The following DOT1L variants were observed in gnomAD, a reference collection of about 807,000 sequenced individuals.
DOT1L encodes DOT1 like histone lysine methyltransferase.
In DOT1L, 33 loss-of-function variants were observed where a neutral mutation model predicts 153.3. That is an observed-to-expected ratio of 0.22 (90% confidence interval 0.16 to 0.29). The LOEUF (loss-of-function observed/expected upper bound fraction) is 0.29, where lower values mean the gene tolerates loss of function less well. Ranked by LOEUF, DOT1L falls within the 10% of genes least tolerant of loss-of-function variation. The pLI, the probability that DOT1L is intolerant of heterozygous loss-of-function variation, is 1.00. For missense variants in DOT1L, 1,847 were observed against 2,119.9 expected (o/e 0.87, Z 2.53); for synonymous variants, 1,135 against 965.1 (o/e 1.18, Z -3.26).
chr19:2,217,955 G>T lies in DOT1L; in HGVS notation c.2691+37G>T, dbSNP rs567102549. 1 of 1,602,426 alleles carries T rather than the reference G, an allele frequency of 6.2e-7. No individual in the cohort carries two copies. Among genetic ancestry groups the T allele is most frequent in the Admixed American group, 1.7e-5 (1 of 59,438 alleles). ...CCAGGTGGCTGTCCCCAAGGGCCAC[G>T]TTGAGGCAAAACAGTCTGGGGTGCT... On this transcript the variant is annotated intron_variant, in intron 22 of 27. Coordinates refer to ENST00000398665, the MANE Select transcript of DOT1L (RefSeq NM_032482.3). This position sits in a 1 kb window ranked among gnomAD's most constrained non-coding sequence, Gnocchi z 7.3.
chr19:2,168,771 C>A (rs549660361), intron 1 of DOT1L, among the ~76,000 whole-genome samples: 2 of 152,118 alleles, frequency 1.3e-5, no homozygotes, highest in African/African-American at 2.4e-5. Context: ...CCCGCCACCA[C>A]GCCCAGCTAA....
chr19:2,211,462 G>A (rs964161484), intron 15 of DOT1L, among the ~76,000 whole-genome samples: 1 of 152,206 alleles, frequency 6.6e-6, no homozygotes, highest in South Asian at 2.1e-4. Context: ...TCATAACTTA[G>A]GGATGTTGCT....
chr19:2,207,797 C>G lies in DOT1L; in HGVS notation c.963+117C>G. 1 of 944,462 alleles carries G rather than the reference C, an allele frequency of 1.1e-6. No homozygotes were observed. Among genetic ancestry groups the G allele is most frequent in the East Asian group, 2.7e-5 (1 of 37,504 alleles). The allele number at this position is 944,462 out of a possible 1,614,324, so 58.5% of individuals were successfully genotyped here. On this transcript the variant is annotated intron_variant, in intron 11 of 27. Coordinates refer to ENST00000398665, the MANE Select transcript of DOT1L (RefSeq NM_032482.3). This position sits in a 1 kb window ranked among gnomAD's most constrained non-coding sequence, Gnocchi z 4.5. ...GAGACCCTCCCCTCAGAGCCCTCAA[C>G]GCCCCCCGGCCCCTGAGCTCAGGCC...
rs193135428 is a variant in DOT1L, at chr19:2,185,167, G to A, written c.126-688G>A. On this transcript the variant is annotated intron_variant, in intron 2 of 27. Coordinates refer to ENST00000398665, the MANE Select transcript of DOT1L (RefSeq NM_032482.3). Reference sequence around the variant, plus strand: ...GATCTGCCCACCTCGGCCTCCCAGAGTGCTGGGATTACAGGTGTGAGCCAC... The same window carrying A: ...GATCTGCCCACCTCGGCCTCCCAGAATGCTGGGATTACAGGTGTGAGCCAC... Among the ~76,000 whole-genome samples, 32 of 152,228 alleles carry A rather than the reference G, an allele frequency of 2.1e-4. 1 individual carries two copies. The highest frequency in any genetic ancestry group is 6.7e-4 in the African/African-American group (28 of 41,544).
rs189718700 is a variant in DOT1L at position 2,192,128 on chromosome 19, G to A, written c.493+888G>A. On this transcript the variant is annotated intron_variant, in intron 5 of 27. Transcript: ENST00000398665. ...GAACCTTGTGCCTGCAGGCACGCGA[G>A]CCCCACGTCTGCCCCCTTTCCACAG... Among the ~76,000 whole-genome samples, 109 of 152,284 alleles carry A rather than the reference G, an allele frequency of 7.2e-4. 1 individual carries two copies. The highest frequency in any genetic ancestry group is 2.5e-3 in the African/African-American group (105 of 41,578).
intron 16 of DOT1L, 101 bp downstream of exon 16, chr19:2,211,943 C>T (rs2023729849): frequency 1.8e-6 from 2 of 1,090,274 alleles, no homozygotes; most frequent in South Asian, 3.2e-5. Context: ...GGAGCGCAGG[C>T]CTGAGTGGGC....
Position 2,226,950 on chromosome 19 carries a change from G to T in DOT1L, c.4429G>T (p.Gly1477Cys), listed in dbSNP as rs761655164. 1 of 1,586,656 alleles carries T rather than the reference G, an allele frequency of 6.3e-7. No homozygotes were observed. The highest frequency in any genetic ancestry group is 1.1e-5 in the South Asian group (1 of 89,338). The change falls in exon 27 of 28, where the codon GGC (glycine) becomes TGC (cysteine). Residue 1477 changes from glycine to cysteine, a missense_variant. By Grantham distance (159) the Gly-to-Cys change is radical. Coordinates refer to ENST00000398665, the MANE Select transcript of DOT1L (RefSeq NM_032482.3). Reference sequence around the variant, plus strand: ...CCCGCCGGGACCGCAGTTCGCGCTCGGCCCCATGTCCCTGCAGGCCAACCT... The same window carrying T: ...CCCGCCGGGACCGCAGTTCGCGCTCTGCCCCATGTCCCTGCAGGCCAACCT... The part of the protein sequence containing the change: ...PFPPGPQFAL[G>C]PMSLQANLGS...
At position 2,207,801 on chromosome 19, in the gene DOT1L, C is replaced by T. The variant is rs1181597162; in HGVS notation, c.963+121C>T. On this transcript the variant is annotated intron_variant, in intron 11 of 27. Coordinates refer to ENST00000398665, the MANE Select transcript of DOT1L (RefSeq NM_032482.3). This position sits in a 1 kb window ranked among gnomAD's most constrained non-coding sequence, Gnocchi z 4.5. Reference sequence around the variant, plus strand: ...CCCTCCCCTCAGAGCCCTCAACGCCCCCCGGCCCCTGAGCTCAGGCCCAGC... The same window carrying T: ...CCCTCCCCTCAGAGCCCTCAACGCCTCCCGGCCCCTGAGCTCAGGCCCAGC... 3.5e-5 allele frequency: 32 copies of T among 916,636 alleles called. No homozygotes were observed. Among genetic ancestry groups the T allele is most frequent in the Non-Finnish European group, 4.8e-6 (3 of 619,080 alleles). 56.8% of individuals were successfully genotyped at this position (916,636 alleles called of 1,614,324 possible). A position where few individuals can be genotyped will look rare whatever the true frequency, so the allele number is the denominator to read the frequency against.
rs149669337 is a variant in DOT1L at position 2,204,599 on chromosome 19, G to A, written c.787+1820G>A. 1.4e-4 allele frequency among the ~76,000 whole-genome samples: 22 copies of A among 152,278 alleles called. No homozygotes were observed. The highest frequency in any genetic ancestry group is 4.3e-4 in the African/African-American group (18 of 41,564). The stretch of plus-strand genomic sequence containing the variant: ...TGTTTCTCGCCAGCTTTCTCTGCAC[G>A]ATCAGACGTGGTGGCTGAGTCAGGG... On this transcript the variant is annotated intron_variant, in intron 9 of 27. Coordinates refer to ENST00000398665, the MANE Select transcript of DOT1L (RefSeq NM_032482.3). This position sits in a 1 kb window ranked among gnomAD's most constrained non-coding sequence, Gnocchi z 5.7.
intron 3 of DOT1L, among the ~76,000 whole-genome samples, chr19:2,187,531 C>T (rs897912780): frequency 2.0e-5 from 3 of 152,336 alleles, no homozygotes; most frequent in African/African-American, 7.2e-5. Context: ...TGAGCACCTG[C>T]ATTTGCACAG....
chr19:2,229,994 T>C lies in DOT1L; in HGVS notation c.*202T>C, dbSNP rs751399828. The C allele has an allele frequency of 3.9e-6, 3 of 773,072 alleles. No homozygotes were observed. Among genetic ancestry groups the C allele is most frequent in the Non-Finnish European group, 6.1e-6 (3 of 494,768 alleles). 47.9% of individuals were successfully genotyped at this position (773,072 alleles called of 1,614,324 possible). A position where few individuals can be genotyped will look rare whatever the true frequency, so the allele number is the denominator to read the frequency against. On this transcript the variant is annotated 3_prime_UTR_variant, in exon 28 of 28. Transcript: ENST00000398665. ...GTACTGTCGATAGTTTTAGATAAAG[T>C]ATTTATCATTTTTTAAAAAGTATAA...
At chr19:2,227,586 A>ACGAGCCTGGCC (rs1161408989) in intron 27 of DOT1L, 6 of 915,420 alleles carry the variant, frequency 6.6e-6, no homozygotes, top group Non-Finnish European at 8.7e-6. Context: ...GCGGGCCACC[A>ACGAGCCTGGCC]CGAGCCTGGC....
rs1178438822 is a variant in DOT1L at position 2,220,604 on chromosome 19, G to C, written c.2806+382G>C. 3 of 445,802 alleles carry C rather than the reference G, an allele frequency of 6.7e-6. No individual in the cohort carries two copies. The highest frequency in any genetic ancestry group is 1.6e-5 in the South Asian group (1 of 63,944). 27.6% of individuals were successfully genotyped at this position (445,802 alleles called of 1,614,324 possible). The stretch of plus-strand genomic sequence containing the variant: ...GCACACGACCGTGGGCCTCCGTGCT[G>C]GTAGCGGCATGGTTTCTGGTTCCTT... On this transcript the variant is annotated intron_variant, in intron 23 of 27. Transcript: ENST00000398665. This position sits in a 1 kb window ranked among gnomAD's most constrained non-coding sequence, Gnocchi z 4.5.
chr19:2,227,378 A>G (rs752378892), intron 27 of DOT1L: 1 of 710,440 alleles, frequency 1.4e-6, no homozygotes, highest in Non-Finnish European at 2.6e-6. Flanking sequence ...CACCGTGCGC[A>G]GGGCCACCAG....
chr19:2,198,864 G>A (rs559283518), intron 7 of DOT1L, among the ~76,000 whole-genome samples: 6 of 152,186 alleles, frequency 3.9e-5, no homozygotes, highest in Admixed American at 1.3e-4. Context: ...AGGTGCATCC[G>A]CGATGTGGCC....
intron 22 of DOT1L, among the ~76,000 whole-genome samples, chr19:2,219,153 T>C (rs1021683805): frequency 6.6e-6 from 1 of 152,184 alleles, no homozygotes; most frequent in Non-Finnish European, 1.5e-5. Flanking sequence ...ATGACAGGCA[T>C]GAGCCACCGC....
rs545727298 is a variant in DOT1L, at chr19:2,190,610, G to A, written c.265-402G>A. On this transcript the variant is annotated intron_variant, in intron 4 of 27. Coordinates refer to ENST00000398665, the MANE Select transcript of DOT1L (RefSeq NM_032482.3). This position sits in a 1 kb window ranked among gnomAD's most constrained non-coding sequence, Gnocchi z 4.8. ...GGTCCCACGTAGTCGAGTCAGATGA[G>A]GTGTGGTAGGCTCAGGGCTTTCACG... 2.0e-5 allele frequency among the ~76,000 whole-genome samples: 3 copies of A among 152,140 alleles called. No individual in the cohort carries two copies. Among genetic ancestry groups the A allele is most frequent in the South Asian group, 2.1e-4 (1 of 4,830 alleles).
At chr19:2,185,527 G>C (rs2022456011) in intron 2 of DOT1L, among the ~76,000 whole-genome samples, 1 of 152,172 alleles carries the variant, frequency 6.6e-6, no homozygotes. Flanking sequence ...CCAGCACTGT[G>C]GGAGGCTGAA....
At chr19:2,198,964 T>C (rs957261366) in intron 7 of DOT1L, among the ~76,000 whole-genome samples, 3 of 152,248 alleles carry the variant, frequency 2.0e-5, no homozygotes, top group Admixed American at 2.0e-4. Flanking sequence ...CATCTGCTGA[T>C]GGACGCTTGG....
Sources: gnomAD v4.1 joint callset for allele counts (sites outside exome capture counted in the v4.1 genomes callset) on GRCh38, gnomAD v4.1.1 for gene constraint, Gnocchi (gnomAD v3.1) non-coding constraint, MANE v1.5 for transcripts, NCBI Gene and HGNC (gene_info 2026-07-23, HGNC 2026-07-21) for gene names.